The following ULK2 variants were observed in gnomAD, a reference collection of about 807,000 sequenced individuals.
The protein encoded by ULK2 is unc-51 like autophagy activating kinase 2.
Under a neutral mutation model 127.5 loss-of-function variants are expected in ULK2, and 76 were observed. That is an observed-to-expected ratio of 0.60 (90% CI 0.50 to 0.72). The LOEUF is 0.72. Ranked by LOEUF, ULK2 falls within the 30% of genes least tolerant of loss-of-function variation. The pLI is 0.00. For missense variants in ULK2, 1,144 were observed against 1,295.9 expected, an observed-to-expected ratio of 0.88 and a Z score of 1.80; for synonymous variants, 452 against 461.9, an observed-to-expected ratio of 0.98 and a Z score of 0.28.
chr17:19,795,373 A>AAG (rs869311186), intron 20 of ULK2, among the ~76,000 whole-genome samples: 1 of 150,580 alleles, frequency 6.6e-6, no homozygotes, highest in Non-Finnish European at 1.5e-5. Context: ...AAAAAAAAAA[A>AAG]TCTTCGTCAG....
chr17:19,852,044 CAA>C (rs201031615), intron 3 of ULK2, among the ~76,000 whole-genome samples: 1,255 of 49,046 alleles, frequency 0.026, 17 homozygotes, highest in African/African-American at 0.085. Flanking sequence ...GACTCCATCT[CAA>C]AAAAAAAAAA....
At position 19,799,475 on chromosome 17, in the gene ULK2, A is replaced by G; in HGVS notation, c.1522+20T>C. 1 of 1,522,134 alleles carries G rather than the reference A, an allele frequency of 6.6e-7. No homozygotes were observed. Among genetic ancestry groups the G allele is most frequent in the Non-Finnish European group, 8.8e-7 (1 of 1,140,080 alleles). 94.3% of individuals were successfully genotyped at this position (1,522,134 alleles called of 1,614,324 possible). A position where few individuals can be genotyped will look rare whatever the true frequency, so the allele number is the denominator to read the frequency against. ...TATAATACAATTCAAATTATTAATA[A>G]ACCAAATACATTATCCTACCTGAGG... On this transcript the variant is annotated intron_variant, in intron 17 of 26. Coordinates refer to ENST00000395544, the MANE Select transcript of ULK2 (RefSeq NM_014683.4).
chr17:19,861,639 C>T (rs2042245313), intron 3 of ULK2, among the ~76,000 whole-genome samples: 1 of 152,126 alleles, frequency 6.6e-6, no homozygotes, highest in African/African-American at 2.4e-5. Flanking sequence ...GATTGGGAAA[C>T]TAAAGAGTTA....
chr17:19,863,528 T>C (rs2042288461), intron 3 of ULK2, among the ~76,000 whole-genome samples: 1 of 150,892 alleles, frequency 6.6e-6, no homozygotes, highest in South Asian at 2.1e-4. Flanking sequence ...AGAGACGATC[T>C]TGCTCTGTTG....
Position 19,867,720 on chromosome 17 carries a change from A to T in ULK2, c.-303T>A. ...CCGGGCCAGGGGTGCCGTCACCGTCACTGTGCGCGCCCAGAGCCGCACACG... is the reference window on the plus strand; with the variant it reads ...CCGGGCCAGGGGTGCCGTCACCGTCTCTGTGCGCGCCCAGAGCCGCACACG... On this transcript the variant is annotated 5_prime_UTR_variant, in exon 1 of 27. An upstream open reading frame in the 5' UTR loses its in-frame stop. Transcript: ENST00000395544. The T allele has an allele frequency of 5.6e-6, 1 of 177,582 alleles. No homozygotes were observed. The highest frequency in any genetic ancestry group is 1.2e-5 in the Non-Finnish European group (1 of 85,546). 11.0% of individuals were successfully genotyped at this position (177,582 alleles called of 1,614,324 possible). A position where few individuals can be genotyped will look rare whatever the true frequency, so the allele number is the denominator to read the frequency against.
intron 20 of ULK2, among the ~76,000 whole-genome samples, chr17:19,793,212 C>T (rs562924053): frequency 6.6e-6 from 1 of 152,098 alleles, no homozygotes; most frequent in Non-Finnish European, 1.5e-5. Context: ...CATCATATCT[C>T]GTGAGAACTC....
At position 19,810,412 on chromosome 17, in the gene ULK2, T is replaced by C. The variant is rs1024250149; in HGVS notation, c.1123A>G (p.Arg375Gly). Residue 375 changes from arginine (R) to glycine (G), a missense_variant, in exon 14 of 27, where the codon AGA becomes GGA. Around this residue, in one of 2 missense-constraint regions of ULK2, gnomAD observed 913 missense variants for 970.5 expected, o/e 0.94. Transcript: ENST00000395544. Reference sequence around the variant, plus strand: ...ACCAAGAATTCATTTGAAGCACGTCTGCCAGCAGTCCCCACTGGCATATCA... The same window carrying C: ...ACCAAGAATTCATTTGAAGCACGTCCGCCAGCAGTCCCCACTGGCATATCA... ...SCDMPVGTAG[R>G]RASNEFLVCG... 2 of 1,608,276 alleles carry C rather than the reference T, an allele frequency of 1.2e-6. No homozygotes were observed. The highest frequency in any genetic ancestry group is 2.7e-5 in the African/African-American group (2 of 74,726).
intron 23 of ULK2, 75 bp from the exon 24 acceptor site, chr17:19,781,179 C>A (rs1196523166): frequency 8.2e-6 from 10 of 1,219,016 alleles, no homozygotes; most frequent in Middle Eastern, 4.0e-4. Context: ...CAACAGGTCA[C>A]CATTAAAATT....
intron 10 of ULK2, among the ~76,000 whole-genome samples, chr17:19,830,746 G>A (rs564383385): frequency 6.6e-6 from 1 of 152,216 alleles, no homozygotes; most frequent in East Asian, 1.9e-4. Context: ...AACTACTTGA[G>A]GCTGGGCGCA....
At position 19,867,736 on chromosome 17, in the gene ULK2, G is replaced by A. The variant is rs1567736916; in HGVS notation, c.-319C>T. ...GTCACCGTCACTGTGCGCGCCCAGA[G>A]CCGCACACGCGCTCTGAGGCAGTGA... On this transcript the variant is annotated 5_prime_UTR_variant, in exon 1 of 27. Transcript: ENST00000395544. 3 of 167,930 alleles carry A rather than the reference G, an allele frequency of 1.8e-5. No homozygotes were observed. In the South Asian group the frequency reaches 6.0e-4, roughly 34 times the overall value. 10.4% of individuals were successfully genotyped at this position (167,930 alleles called of 1,614,324 possible).
At chr17:19,817,056 ATC>A (rs2041007749) in intron 12 of ULK2, 136 bp from the exon 13 acceptor site, 4 of 693,538 alleles carry the variant, frequency 5.8e-6, no homozygotes, top group East Asian at 3.3e-5. Flanking sequence ...TTTCAAAAAA[ATC>A]TCTTTGGAAA....
intron 22 of ULK2, among the ~76,000 whole-genome samples, chr17:19,783,330 A>G (rs2086959313): frequency 6.6e-6 from 1 of 152,026 alleles, no homozygotes; most frequent in Admixed American, 6.5e-5. Context: ...GTGTGCCTGT[A>G]ATCCCAGCTA....
intron 3 of ULK2, among the ~76,000 whole-genome samples, chr17:19,850,334 CAT>C (rs896529616): frequency 1.3e-5 from 2 of 152,268 alleles, no homozygotes; most frequent in Non-Finnish European, 2.9e-5. Context: ...ATTATCAACA[CAT>C]GTTCCACAAT....
intron 17 of ULK2, among the ~76,000 whole-genome samples, chr17:19,798,372 G>A (rs1013162962): frequency 3.3e-5 from 5 of 152,136 alleles, no homozygotes; most frequent in African/African-American, 1.2e-4. Context: ...GAGCCTAAGA[G>A]ATCCCTGTTT....
At chr17:19,840,325 G>A (rs945146354) in intron 9 of ULK2, 8 of 525,106 alleles carry the variant, frequency 1.5e-5, no homozygotes, top group Admixed American at 1.5e-4. Flanking sequence ...GCCTTGATTC[G>A]TTGGACCTAT....
At chr17:19,843,026 C>A in intron 8 of ULK2, 95 bp downstream of exon 8, 1 of 1,079,102 alleles carries the variant, frequency 9.3e-7, no homozygotes, top group Admixed American at 1.8e-5. Context: ...GAGCCAAAAA[C>A]ACTGCTTTCA....
At chr17:19,845,204 T>C (rs927561940) in intron 7 of ULK2, 100 bp downstream of exon 7, 28 of 1,021,220 alleles carry the variant, frequency 2.7e-5, no homozygotes, top group South Asian at 1.0e-4. Context: ...ACTTGGACTA[T>C]ATGTAAAATC....
intron 12 of ULK2, among the ~76,000 whole-genome samples, chr17:19,822,845 C>T (rs1012065265): frequency 2.0e-5 from 3 of 152,078 alleles, no homozygotes; most frequent in African/African-American, 7.2e-5. Flanking sequence ...TGCCACCATG[C>T]CCAGCTAATT....
At chr17:19,818,835 G>A (rs1218449089) in intron 12 of ULK2, among the ~76,000 whole-genome samples, 1 of 105,160 alleles carries the variant, frequency 9.5e-6, no homozygotes, top group African/African-American at 3.7e-5. Context: ...GAGTCTCACT[G>A]TGTCACCCAG....
Sources: allele counts gnomAD v4.1 joint callset (sites outside exome capture counted in the v4.1 genomes callset), GRCh38; gene constraint gnomAD v4.1.1; regional missense constraint gnomAD v4.1.1; transcripts MANE v1.5; gene names NCBI Gene and HGNC (gene_info 2026-07-23, HGNC 2026-07-21).